TRHDE: variants seen among roughly 807,000 people sequenced by gnomAD.
TRHDE encodes the protein thyrotropin-releasing hormone-degrading ectoenzyme.
In TRHDE, 72 loss-of-function variants were observed where a neutral mutation model predicts 125.7. The ratio of observed to expected loss-of-function variants is 0.57; its 90% confidence interval spans 0.47 to 0.70. TRHDE has a LOEUF of 0.70. TRHDE is among the 30% of genes least tolerant of loss of function. The pLI, the probability that TRHDE is intolerant of heterozygous loss-of-function variation, is 0.00. For missense variants in TRHDE, 1,110 were observed against 1,327.1 expected (o/e 0.84, Z 2.54); for synonymous variants, 509 against 509.1 (o/e 1.00, Z 0.00).
intron 2 of TRHDE, among the ~76,000 whole-genome samples, chr12:72,198,792 A>T (rs1285629988): frequency 1.3e-5 from 2 of 152,188 alleles, no homozygotes; most frequent in African/African-American, 2.4e-5. Context: ...TGCAATAAAG[A>T]TACAACCTGA....
chr12:72,340,229 G>A (rs1362158107), intron 2 of TRHDE, among the ~76,000 whole-genome samples: 1 of 152,128 alleles, frequency 6.6e-6, no homozygotes, highest in Non-Finnish European at 1.5e-5. Flanking sequence ...GTGTGTAGAA[G>A]TTAGCTGTTC....
rs1294453835 is a variant in TRHDE at position 72,517,666 on chromosome 12, T to A, written c.1722+18031T>A. On this transcript the variant is annotated intron_variant, in intron 6 of 18. Transcript: ENST00000261180. ...TCCTTCAGTTCTGCTCTGATTTTAG[T>A]TATTTCTTGCCTTCTGCTAGCTTTT... Among the ~76,000 whole-genome samples the A allele has an allele frequency of 1.1e-4, 16 of 152,220 alleles. No individual in the cohort carries two copies. In the East Asian group the frequency reaches 3.1e-3, roughly 29 times the overall value.
At chr12:72,238,275 A>AT (rs1491523792) in intron 2 of TRHDE, among the ~76,000 whole-genome samples, 2 of 38,234 alleles carry the variant, frequency 5.2e-5, no homozygotes, top group African/African-American at 2.7e-4. Flanking sequence ...TCAGATCCTT[A>AT]ATATATATAT....
chr12:72,416,194 C>T (rs1351218897), intron 3 of TRHDE, among the ~76,000 whole-genome samples: 1 of 151,850 alleles, frequency 6.6e-6, no homozygotes, highest in East Asian at 1.9e-4. Flanking sequence ...TGTATGTCTT[C>T]TTTTGAGAAA....
In TRHDE at chr12:72,158,217, G is replaced by A. The variant is rs536859606; in HGVS notation, n.279+52465G>A. 5.9e-5 allele frequency among the ~76,000 whole-genome samples: 9 copies of A among 152,202 alleles called. No homozygotes were observed. The South Asian group carries it at 1.7e-3, about 28-fold the overall frequency. On this transcript the variant is annotated intron_variant and non_coding_transcript_variant, in intron 2 of 4. Transcript: ENST00000548156. ...GAATTTTTTTATTTTTTCTGTAAAAGGGATGAGAGGAATGGGATGAAAGCT... is the reference window on the plus strand; with the variant it reads ...GAATTTTTTTATTTTTTCTGTAAAAAGGATGAGAGGAATGGGATGAAAGCT...
At chr12:72,303,914 A>AT (rs1868298204) in intron 2 of TRHDE, among the ~76,000 whole-genome samples, 1 of 152,176 alleles carries the variant, frequency 6.6e-6, no homozygotes, top group South Asian at 2.1e-4. Context: ...ACTGTTATTA[A>AT]AACACAGTAA....
chr12:72,252,202 T>C (rs2139387712), intron 2 of TRHDE, among the ~76,000 whole-genome samples: 1 of 152,256 alleles, frequency 6.6e-6, no homozygotes, highest in South Asian at 2.1e-4. Flanking sequence ...ATTTAAGAAT[T>C]ATTTGCCTAG....
At chr12:72,565,036 ATGAC>A (rs35412330) in intron 9 of TRHDE, among the ~76,000 whole-genome samples, 39,328 of 150,898 alleles carry the variant, frequency 0.26, 7,541 homozygotes, top group East Asian at 0.53. Flanking sequence ...AGTCTCAAAA[ATGAC>A]TGACTTTCTA....
chr12:72,597,733 ATATATATATATATATATATATATATG>A (rs1872024805), intron 12 of TRHDE, among the ~76,000 whole-genome samples: 5 of 7,868 alleles, frequency 6.4e-4, no homozygotes, highest in African/African-American at 1.7e-3. Context: ...ATATATATAT[ATATATATATATATATATATATATATG>A]CATACACACA....
intron 2 of TRHDE, among the ~76,000 whole-genome samples, chr12:72,141,129 A>G (rs1442325709): frequency 2.6e-5 from 4 of 152,100 alleles, no homozygotes; most frequent in Non-Finnish European, 5.9e-5. Context: ...GGCACCTTGT[A>G]TTTTATCTGG....
chr12:72,505,133 C>T (rs976557448), intron 6 of TRHDE, among the ~76,000 whole-genome samples: 1 of 152,054 alleles, frequency 6.6e-6, no homozygotes, highest in African/African-American at 2.4e-5. Flanking sequence ...AGCTGACTGC[C>T]TTTGAAGAAA....
At position 72,453,135 on chromosome 12, in the gene TRHDE, T is replaced by C. The variant is rs1875662846; in HGVS notation, c.1316-16623T>C. On this transcript the variant is annotated intron_variant, in intron 3 of 18. Coordinates refer to ENST00000261180, the MANE Select transcript of TRHDE (RefSeq NM_013381.3). ...GAAGACAGGAAGATGAAGGAAAGTA[T>C]GGAATTTTTAAGAGACTGGGTAAAT... Among the ~76,000 whole-genome samples, 2 of 152,174 alleles carry C rather than the reference T, an allele frequency of 1.3e-5. 1 individual carries two copies. The highest frequency in any genetic ancestry group is 4.1e-4 in the South Asian group (2 of 4,828).
At position 72,238,740 on chromosome 12, in the gene TRHDE, C is replaced by T. The variant is rs142407048; in HGVS notation, n.279+132988C>T. ...ACATGAACTCATCCTTTTTTATGGC[C>T]GCATAGTATTCCATGGTGTATATGT... On this transcript the variant is annotated intron_variant and non_coding_transcript_variant, in intron 2 of 4. Transcript: ENST00000548156. Among the ~76,000 whole-genome samples, 1,346 of 152,020 alleles carry T rather than the reference C, an allele frequency of 8.9e-3. 22 individuals carry two copies. The highest frequency in any genetic ancestry group is 0.03 in the African/African-American group (1,252 of 41,464).
intron 12 of TRHDE, among the ~76,000 whole-genome samples, chr12:72,611,933 A>G (rs754374795): frequency 1.3e-5 from 2 of 152,214 alleles, no homozygotes; most frequent in Non-Finnish European, 2.9e-5. Flanking sequence ...TTCACTCACT[A>G]TTAATAACAA....
chr12:72,311,142 G>A (rs879541997), intron 2 of TRHDE, among the ~76,000 whole-genome samples: 1 of 151,956 alleles, frequency 6.6e-6, no homozygotes, highest in Non-Finnish European at 1.5e-5. Context: ...ACTCCAAAAT[G>A]TTCCTTTATG....
chr12:72,133,097 G>A (rs1027528703), intron 2 of TRHDE, among the ~76,000 whole-genome samples: 6 of 152,142 alleles, frequency 3.9e-5, no homozygotes, highest in Non-Finnish European at 7.4e-5. Context: ...TGGCCAGTGG[G>A]GAGACATTGA....
chr12:72,246,795 T>C (rs1159484879), intron 2 of TRHDE, among the ~76,000 whole-genome samples: 3 of 152,204 alleles, frequency 2.0e-5, no homozygotes, highest in African/African-American at 7.2e-5. Context: ...AAATTGTTCC[T>C]ATAAGCACAG....
chr12:72,496,217 C>A (rs1318864576), intron 5 of TRHDE, among the ~76,000 whole-genome samples: 1 of 152,184 alleles, frequency 6.6e-6, no homozygotes, highest in Admixed American at 6.6e-5. Context: ...CTTCAAGAGT[C>A]AGATCAAATT....
At chr12:72,260,226 A>G (rs1429338028) in intron 2 of TRHDE, among the ~76,000 whole-genome samples, 1 of 152,194 alleles carries the variant, frequency 6.6e-6, no homozygotes, top group African/African-American at 2.4e-5. Flanking sequence ...ACTCTATTGT[A>G]TAGCCTAAAT....
Sources: gnomAD v4.1 joint callset for allele counts (sites outside exome capture counted in the v4.1 genomes callset) on GRCh38, gnomAD v4.1.1 for gene constraint, MANE v1.5 for transcripts, NCBI Gene and HGNC (gene_info 2026-07-23, HGNC 2026-07-21) for gene names.